CDC25C: variants seen among roughly 807,000 people sequenced by gnomAD.
CDC25C encodes the protein cell division cycle 25C.
CDC25C carries 48 observed loss-of-function variants against 52.5 expected under a neutral mutation model. That is an observed-to-expected ratio of 0.91 (90% CI 0.72 to 1.16). The LOEUF (loss-of-function observed/expected upper bound fraction) is 1.16, where lower values mean the gene tolerates loss of function less well. Among genes scored for constraint, CDC25C ranks in the 50% most tolerant of loss-of-function variants. The pLI, the probability that CDC25C is intolerant of heterozygous loss-of-function variation, is 0.00. For missense variants in CDC25C, 510 were observed against 566.1 expected (o/e 0.90, Z 1.01); for synonymous variants, 187 against 206.5 (o/e 0.91, Z 0.81).
chr5:138,329,197 C>T (rs1663318280), intron 3 of CDC25C, among the ~76,000 whole-genome samples: 1 of 152,212 alleles, frequency 6.6e-6, no homozygotes, highest in Non-Finnish European at 1.5e-5. Flanking sequence ...GCCACTGCAC[C>T]TGGCCAACAA....
intron 7 of CDC25C, among the ~76,000 whole-genome samples, chr5:138,312,205 CT>C (rs111382494): frequency 7.6e-4 from 115 of 152,118 alleles, no homozygotes; most frequent in African/African-American, 2.5e-3. Flanking sequence ...GGTATATACC[CT>C]AAAGAACTGA....
chr5:138,287,357 G>A lies in CDC25C; in HGVS notation c.928-90C>T, dbSNP rs530402073. ...CACAGTTCCTTACAAGCATACTCCT[G>A]TTCTGTCCACTGTATGTCCAGCCTC... On this transcript the variant is annotated intron_variant, in intron 10 of 13. Coordinates refer to ENST00000323760, the MANE Select transcript of CDC25C (RefSeq NM_001790.5). The A allele has an allele frequency of 7.0e-5, 60 of 853,512 alleles. No homozygotes were observed. The Admixed American group carries it at 7.5e-4, about 11-fold the overall frequency. 52.9% of individuals were successfully genotyped at this position (853,512 alleles called of 1,614,324 possible).
intron 7 of CDC25C, among the ~76,000 whole-genome samples, chr5:138,314,451 A>T (rs929487422): frequency 4.7e-5 from 7 of 150,310 alleles, no homozygotes; most frequent in Admixed American, 4.0e-4. Context: ...ACCTGCCACC[A>T]CACCCAGCTA....
chr5:138,310,032 C>T lies in CDC25C; in HGVS notation c.615+9187G>A, dbSNP rs536848262. Among the ~76,000 whole-genome samples, 4 of 152,228 alleles carry T rather than the reference C, an allele frequency of 2.6e-5. No homozygotes were observed. The South Asian group carries it at 8.3e-4, about 32-fold the overall frequency. ...TAGCTCTCAAAACTTTCTAAACCAG[C>T]CACTTTCTACCTTCTCAGCAACTTT... On this transcript the variant is annotated intron_variant, in intron 7 of 13. Coordinates refer to ENST00000323760, the MANE Select transcript of CDC25C (RefSeq NM_001790.5).
Position 138,285,320 on chromosome 5 carries a change from A to C in CDC25C, c.*372T>G, listed in dbSNP as rs1580690745. 5.1e-6 allele frequency: 1 copy of C among 194,834 alleles called. No homozygotes were observed. Among genetic ancestry groups the C allele is most frequent in the East Asian group, 1.5e-4 (1 of 6,894 alleles). The allele number at this position is 194,834 out of a possible 1,614,324, so 12.1% of individuals were successfully genotyped here. A position where few individuals can be genotyped will look rare whatever the true frequency, so the allele number is the denominator to read the frequency against. ...ATTTTTAAAAAAGAAAGAGGGGGAA[A>C]CAAAGAAGGAAAATACAAAGAAAGA... is the stretch of plus-strand genomic sequence containing the variant. On this transcript the variant is annotated 3_prime_UTR_variant, in exon 14 of 14. Coordinates refer to ENST00000323760, the MANE Select transcript of CDC25C (RefSeq NM_001790.5).
At chr5:138,304,041 A>G (rs1417388058) in intron 7 of CDC25C, among the ~76,000 whole-genome samples, 1 of 152,232 alleles carries the variant, frequency 6.6e-6, no homozygotes, top group African/African-American at 2.4e-5. Flanking sequence ...TTTTCTCTTC[A>G]CAACAAAACA....
chr5:138,338,257 C>T (rs1210819737), exon 1 of CDC25C: 6 of 1,095,738 alleles, frequency 5.5e-6, no homozygotes, highest in South Asian at 2.6e-5. Context: ...TGGGGCGAAC[C>T]GAGCGCTCAG....
At chr5:138,290,275 A>AG (rs925657988) in intron 9 of CDC25C, among the ~76,000 whole-genome samples, 1 of 151,846 alleles carries the variant, frequency 6.6e-6, no homozygotes, top group African/African-American at 2.4e-5. Flanking sequence ...CACAGACAGT[A>AG]GGGGGGAAAA....
chr5:138,308,008 C>T (rs1758157199), intron 7 of CDC25C, among the ~76,000 whole-genome samples: 1 of 151,838 alleles, frequency 6.6e-6, no homozygotes, highest in African/African-American at 2.4e-5. Context: ...GCGCAGTTCA[C>T]AAAAGAGTTT....
intron 7 of CDC25C, among the ~76,000 whole-genome samples, chr5:138,298,000 C>T (rs1453052203): frequency 1.4e-5 from 2 of 143,922 alleles, no homozygotes; most frequent in East Asian, 2.0e-4. Context: ...AGTATGGTAC[C>T]TTTTTTTTTT....
In CDC25C at chr5:138,319,310, T is replaced by A. The variant is rs776843967; in HGVS notation, c.524A>T (p.Lys175Ile). 1.2e-5 allele frequency: 20 copies of A among 1,613,442 alleles called. No individual in the cohort carries two copies. The highest frequency in any genetic ancestry group is 1.7e-5 in the Non-Finnish European group (20 of 1,179,404). ...YLGSPITTVP[K>I]LDKNPNLGED... ...TCCTAGGTTTGGATTTTTATCCAAT[T>A]TTGGAACAGTAGTAATGGGACTGCC... The change falls in exon 7 of 14, where the codon AAA becomes ATA. Residue 175 changes from lysine (K) to isoleucine (I), a missense_variant. Transcript: ENST00000323760.
chr5:138,331,277 C>A, intron 1 of CDC25C, 59 bp from the exon 2 acceptor site: 1 of 1,148,104 alleles, frequency 8.7e-7, no homozygotes, highest in Admixed American at 1.9e-5. Context: ...TTCCTAAACT[C>A]CTCCACCCTT....
intron 4 of CDC25C, among the ~76,000 whole-genome samples, chr5:138,326,497 ACATT>A (rs759041414): frequency 5.9e-5 from 9 of 152,012 alleles, no homozygotes; most frequent in Admixed American, 3.3e-4. Context: ...GCCTGCAACC[ACATT>A]CAGCTAATTT....
At chr5:138,306,815 A>G (rs1758039271) in intron 7 of CDC25C, among the ~76,000 whole-genome samples, 1 of 149,858 alleles carries the variant, frequency 6.7e-6, no homozygotes, top group Admixed American at 6.7e-5. Flanking sequence ...GAGGTAAAAC[A>G]GTAACAAAAA....
At chr5:138,324,482 G>A (rs548357025) in intron 6 of CDC25C, among the ~76,000 whole-genome samples, 9 of 151,830 alleles carry the variant, frequency 5.9e-5, no homozygotes, top group Non-Finnish European at 8.8e-5. Context: ...TGATGCTGTC[G>A]GGCATGGTGG....
At chr5:138,325,535 T>A (rs1759779483) in intron 6 of CDC25C, among the ~76,000 whole-genome samples, 1 of 152,074 alleles carries the variant, frequency 6.6e-6, no homozygotes. Flanking sequence ...AACTCCTAAA[T>A]CCCTTACACT....
intron 6 of CDC25C, among the ~76,000 whole-genome samples, chr5:138,324,487 T>C (rs921254719): frequency 3.3e-5 from 5 of 150,406 alleles, no homozygotes; most frequent in Non-Finnish European, 7.4e-5. Flanking sequence ...CTGTCGGGCA[T>C]GGTGGCTCAC....
chr5:138,295,103 G>T (rs1757073983), intron 7 of CDC25C, among the ~76,000 whole-genome samples: 1 of 152,136 alleles, frequency 6.6e-6, no homozygotes, highest in African/African-American at 2.4e-5. Context: ...TAAAAAGACT[G>T]TACTTTCTCC....
intron 6 of CDC25C, among the ~76,000 whole-genome samples, chr5:138,324,496 A>G (rs1263454919): frequency 1.3e-5 from 2 of 152,054 alleles, no homozygotes; most frequent in African/African-American, 4.8e-5. Context: ...ATGGTGGCTC[A>G]CGGCTGTAAT....
Sources: gnomAD v4.1 joint callset for allele counts (sites outside exome capture counted in the v4.1 genomes callset) on GRCh38, gnomAD v4.1.1 for gene constraint, MANE v1.5 for transcripts, NCBI Gene and HGNC (gene_info 2026-07-23, HGNC 2026-07-21) for gene names.